Variants in CACNA1I observed in about 807,000 individuals in gnomAD.
CACNA1I encodes voltage-dependent T-type calcium channel subunit alpha-1I.
A neutral mutation model predicts 201.6 loss-of-function variants in CACNA1I; 74 were observed. The observed-to-expected ratio is 0.37, with a 90% confidence interval of 0.30 to 0.45. The LOEUF is 0.45. CACNA1I is among the 20% of genes least tolerant of loss of function. The probability of loss-of-function intolerance (pLI) is 1.00; values close to 1 mark genes in which losing one functional copy is unlikely to be tolerated. For synonymous variants in CACNA1I, 1,431 were observed against 1,345.2 expected (o/e 1.06, Z -1.40); for missense variants, 2,346 against 3,138.1 (o/e 0.75, Z 6.03).
intron 3 of CACNA1I, among the ~76,000 whole-genome samples, chr22:39,616,948 C>T (rs892517381): frequency 3.3e-5 from 5 of 151,972 alleles, no homozygotes; most frequent in Admixed American, 6.6e-5. Flanking sequence ...GCCTGGTGGC[C>T]GTGTAGGGGA....
intron 4 of CACNA1I, among the ~76,000 whole-genome samples, chr22:39,625,537 G>A (rs1278887375): frequency 6.6e-6 from 1 of 152,134 alleles, no homozygotes; most frequent in African/African-American, 2.4e-5. Context: ...GATTAAATAC[G>A]TGGCTCTCAA....
chr22:39,617,419 C>T (rs527294137), intron 3 of CACNA1I, among the ~76,000 whole-genome samples: 2 of 152,064 alleles, frequency 1.3e-5, no homozygotes, highest in Non-Finnish European at 2.9e-5. Context: ...CCCCCCACCC[C>T]GCCCCCCACA....
Position 39,677,559 on chromosome 22 carries a change from C to T in CACNA1I, c.4933+140C>T, listed in dbSNP as rs905040605. 14 of 647,060 alleles carry T rather than the reference C, an allele frequency of 2.2e-5. No homozygotes were observed. The African/African-American group carries it at 2.6e-4, about 12-fold the overall frequency. The allele number at this position is 647,060 out of a possible 1,614,324, so 40.1% of individuals were successfully genotyped here. A position where few individuals can be genotyped will look rare whatever the true frequency, so the allele number is the denominator to read the frequency against. On this transcript the variant is annotated intron_variant, in intron 30 of 36. Coordinates refer to ENST00000402142, the MANE Select transcript of CACNA1I (RefSeq NM_021096.4). The surrounding 1 kb of genome is among the most constrained non-coding windows in gnomAD (Gnocchi z 4.8). ...GGGGAGATGCCTACAGCAGGGCCCT[C>T]AGCTGTCTGGTCTCCCAGGAAAACT...
intron 1 of CACNA1I, among the ~76,000 whole-genome samples, chr22:39,590,773 A>T (rs939415758): frequency 3.9e-5 from 6 of 152,218 alleles, no homozygotes; most frequent in Non-Finnish European, 7.3e-5. Flanking sequence ...AGTATCAGCC[A>T]GTTTGGGAGA....
chr22:39,630,609 A>G (rs1049413405), intron 4 of CACNA1I, among the ~76,000 whole-genome samples: 1 of 152,244 alleles, frequency 6.6e-6, no homozygotes. Flanking sequence ...GGCGCAGAGC[A>G]TGCCTGGTTT....
At chr22:39,585,386 C>CTTTTTTTTTT (rs67733131) in intron 1 of CACNA1I, among the ~76,000 whole-genome samples, 1 of 90,450 alleles carries the variant, frequency 1.1e-5, no homozygotes, top group African/African-American at 4.6e-5. Context: ...TTCTTTCTTT[C>CTTTTTTTTTT]TTTTTTTTTT....
chr22:39,625,657 G>A (rs1933880098), intron 4 of CACNA1I, among the ~76,000 whole-genome samples: 1 of 152,284 alleles, frequency 6.6e-6, no homozygotes, highest in South Asian at 2.1e-4. Flanking sequence ...AGGCCACTCA[G>A]CCTCTGATGG....
At chr22:39,643,838 C>T (rs902711916) in intron 7 of CACNA1I, among the ~76,000 whole-genome samples, 1 of 152,246 alleles carries the variant, frequency 6.6e-6, no homozygotes, top group African/African-American at 2.4e-5. Flanking sequence ...TGCATATTCA[C>T]TCACCAGAAC....
intron 1 of CACNA1I, among the ~76,000 whole-genome samples, chr22:39,594,757 G>T (rs1442080479): frequency 6.6e-6 from 1 of 152,046 alleles, no homozygotes; most frequent in Non-Finnish European, 1.5e-5. Flanking sequence ...GGGGTGAGGG[G>T]TTTGCTTGGA....
chr22:39,678,650 G>A (rs972910714), intron 31 of CACNA1I, among the ~76,000 whole-genome samples: 7 of 152,216 alleles, frequency 4.6e-5, no homozygotes, highest in Non-Finnish European at 2.9e-5. Context: ...AGGGTGCTGG[G>A]AGAGGCGGCC....
intron 3 of CACNA1I, among the ~76,000 whole-genome samples, chr22:39,613,226 G>T (rs1050772761): frequency 1.3e-5 from 2 of 150,234 alleles, no homozygotes; most frequent in African/African-American, 4.9e-5. Context: ...CAAATTATTT[G>T]TTTGACAAAC....
rs139376782 is a variant in CACNA1I, at chr22:39,647,869, C to T, written c.1510C>T (p.Arg504Trp). 194 of 1,613,568 alleles carry T rather than the reference C, an allele frequency of 1.2e-4. No individual in the cohort carries two copies. The African/African-American group carries it at 1.6e-3, about 13-fold the overall frequency. Residue 504 changes from arginine (R) to tryptophan (W), a missense_variant, in exon 9 of 37, where the codon CGG becomes TGG. Arg to Trp is a moderately radical substitution (Grantham distance 101). Coordinates refer to ENST00000402142, the MANE Select transcript of CACNA1I (RefSeq NM_021096.4). ...AGATGAAGGGAGACATCTCGGAAGC[C>T]GGCATTGCCAGACTTTGCATGGGCC... Reference protein sequence around the residue: ...QGDEGRHLGSRHCQTLHGPAS... With the variant: ...QGDEGRHLGSWHCQTLHGPAS...
intron 1 of CACNA1I, among the ~76,000 whole-genome samples, chr22:39,586,945 C>A (rs750753902): frequency 2.0e-5 from 3 of 152,164 alleles, no homozygotes; most frequent in Admixed American, 6.5e-5. Flanking sequence ...TGTGGTTGGG[C>A]TCCCGAGGCT....
chr22:39,659,959 G>A lies in CACNA1I; in HGVS notation c.2604+107G>A. 3 of 1,278,602 alleles carry A rather than the reference G, an allele frequency of 2.3e-6. No individual in the cohort carries two copies. Among genetic ancestry groups the A allele is most frequent in the Non-Finnish European group, 3.3e-6 (3 of 897,954 alleles). 79.2% of individuals were successfully genotyped at this position (1,278,602 alleles called of 1,614,324 possible). ...GGGCTGCAATTCAAACTTCTAGCAG[G>A]CAACCTATCCCTAAAGGAGGGGGTT... is the stretch of plus-strand genomic sequence containing the variant. On this transcript the variant is annotated intron_variant, in intron 14 of 36. Coordinates refer to ENST00000402142, the MANE Select transcript of CACNA1I (RefSeq NM_021096.4). The surrounding 1 kb of genome is among the most constrained non-coding windows in gnomAD (Gnocchi z 4.3).
chr22:39,606,103 T>C (rs73424125), intron 3 of CACNA1I, among the ~76,000 whole-genome samples: 8,223 of 152,198 alleles, frequency 0.054, 700 homozygotes, highest in African/African-American at 0.18. Flanking sequence ...TCATCCCTTA[T>C]CTGCTGGACT....
chr22:39,573,177 G>C (rs998196712), intron 1 of CACNA1I, among the ~76,000 whole-genome samples: 1 of 152,198 alleles, frequency 6.6e-6, no homozygotes, highest in Non-Finnish European at 1.5e-5. Flanking sequence ...GAAGAGAAAG[G>C]CTGGTAGGAG....
Position 39,686,269 on chromosome 22 carries a change from C to G in CACNA1I, c.6536C>G (p.Ser2179Trp), listed in dbSNP as rs938441968. The G allele has an allele frequency of 5.4e-6, 7 of 1,300,032 alleles. No homozygotes were observed. In the African/African-American group the frequency reaches 9.4e-5, roughly 17 times the overall value. 80.5% of individuals were successfully genotyped at this position (1,300,032 alleles called of 1,614,324 possible). A position where few individuals can be genotyped will look rare whatever the true frequency, so the allele number is the denominator to read the frequency against. The stretch of plus-strand genomic sequence containing the variant: ...GCCCACGGCCTGGCCCGGAGCCCCT[C>G]GTGGGCCGCGGACCGCAGCAAGGAC... ...ALAHGLARSP[S>W]WAADRSKDPP... Residue 2179 changes from serine (S) to tryptophan (W), a missense_variant, in exon 37 of 37, where the codon TCG becomes TGG. Physicochemically the swap from Ser to Trp is radical, Grantham distance 177. Around this residue, in one of 13 missense-constraint regions of CACNA1I, gnomAD observed 187 missense variants for 151.0 expected, o/e 1.24. Transcript: ENST00000402142.
At chr22:39,614,134 C>T (rs1037597285) in intron 3 of CACNA1I, among the ~76,000 whole-genome samples, 10 of 152,190 alleles carry the variant, frequency 6.6e-5, no homozygotes, top group African/African-American at 2.4e-4. Flanking sequence ...AGGCATGAGC[C>T]ACCATGCTGG....
chr22:39,677,301 C>A lies in CACNA1I; in HGVS notation c.4855-40C>A. On this transcript the variant is annotated intron_variant, in intron 29 of 36. Transcript: ENST00000402142. The surrounding 1 kb of genome is among the most constrained non-coding windows in gnomAD (Gnocchi z 4.8). ...TTCCCAGGCCTGGTGCGCCCCCACC[C>A]GCTCCCCAGCCCCACCCGGCCTCAC... The A allele has an allele frequency of 6.9e-7, 1 of 1,448,366 alleles. No homozygotes were observed. The allele number at this position is 1,448,366 out of a possible 1,614,324, so 89.7% of individuals were successfully genotyped here.
Sources: gnomAD v4.1 joint callset for allele counts (sites outside exome capture counted in the v4.1 genomes callset) on GRCh38, gnomAD v4.1.1 for gene constraint, gnomAD v4.1.1 regional missense constraint, Gnocchi (gnomAD v3.1) non-coding constraint, MANE v1.5 for transcripts, NCBI Gene and HGNC (gene_info 2026-07-23, HGNC 2026-07-21) for gene names.